The following HUNK variants were observed in gnomAD, a reference collection of about 807,000 sequenced individuals.
The protein encoded by HUNK is hormonally up-regulated Neu-associated kinase.
In HUNK, 21 loss-of-function variants were observed where a neutral mutation model predicts 61.0. The observed-to-expected ratio is 0.34, with a 90% CI of 0.24 to 0.50. HUNK has a LOEUF of 0.50. HUNK is among the 20% of genes least tolerant of loss of function. The probability of loss-of-function intolerance (pLI) is 0.98; values close to 1 mark genes in which losing one functional copy is unlikely to be tolerated. For missense variants in HUNK, 772 were observed against 945.7 expected (o/e 0.82, Z 2.41); for synonymous variants, 371 against 386.1 (o/e 0.96, Z 0.46).
At chr21:31,989,846 T>C (rs2053159854) in intron 8 of HUNK, among the ~76,000 whole-genome samples, 3 of 151,890 alleles carry the variant, frequency 2.0e-5, no homozygotes, top group Non-Finnish European at 4.4e-5. Flanking sequence ...TTTCTGTGGG[T>C]GTCTTTGCTG....
Position 31,998,885 on chromosome 21 carries a change from C to T in HUNK, c.1846C>T (p.His616Tyr). The T allele has an allele frequency of 6.2e-7, 1 of 1,614,248 alleles. No homozygotes were observed. Among genetic ancestry groups the T allele is most frequent in the Non-Finnish European group, 8.5e-7 (1 of 1,180,044 alleles). Residue 616 changes from histidine to tyrosine, a missense_variant, in exon 11 of 11, where the codon CAT (histidine) becomes TAT (tyrosine). Around this residue, in one of 2 missense-constraint regions of HUNK, gnomAD observed 413 missense variants for 444.4 expected, o/e 0.93. Coordinates refer to ENST00000270112, the MANE Select transcript of HUNK (RefSeq NM_014586.2). Reference sequence around the variant, plus strand: ...CATGTCGCCTCTCCATACTCCTTTGCATCCAACTCTGGTCTCTTTTGCTCA... The same window carrying T: ...CATGTCGCCTCTCCATACTCCTTTGTATCCAACTCTGGTCTCTTTTGCTCA... ...GSMSPLHTPLHPTLVSFAHED... is the reference protein window; with the variant it reads ...GSMSPLHTPLYPTLVSFAHED...
intron 4 of HUNK, 81 bp from the exon 5 acceptor site, chr21:31,958,761 CG>C: frequency 7.4e-7 from 1 of 1,343,810 alleles, no homozygotes; most frequent in Non-Finnish European, 1.0e-6. Context: ...GCAGCTCCCA[CG>C]CTTCGGTGAA....
Position 31,924,051 on chromosome 21 carries a change from G to A in HUNK, c.262-417G>A, listed in dbSNP as rs1403777051. 6.6e-6 allele frequency among the ~76,000 whole-genome samples: 1 copy of A among 152,158 alleles called. No individual in the cohort carries two copies. The highest frequency in any genetic ancestry group is 2.4e-5 in the African/African-American group (1 of 41,436). ...TTTCTGAAGTGGCTGGGGGTCCTCA[G>A]ACCTGGAGGGAGATGATGGTGAGTC... On this transcript the variant is annotated intron_variant, in intron 1 of 10. Coordinates refer to ENST00000270112, the MANE Select transcript of HUNK (RefSeq NM_014586.2). The surrounding 1 kb of genome is among the most constrained non-coding windows in gnomAD (Gnocchi z 5.1).
At chr21:31,888,177 A>G (rs2052360985) in intron 1 of HUNK, among the ~76,000 whole-genome samples, 1 of 152,140 alleles carries the variant, frequency 6.6e-6, no homozygotes, top group African/African-American at 2.4e-5. Flanking sequence ...TAATGCCAAA[A>G]CCACATTCAC....
At chr21:31,968,207 T>G in intron 5 of HUNK, 43 bp from the exon 6 acceptor site, 1 of 1,612,820 alleles carries the variant, frequency 6.2e-7, no homozygotes, top group Non-Finnish European at 8.5e-7. Context: ...GTGTCTGCGT[T>G]CAGCCTGTAA....
intron 1 of HUNK, among the ~76,000 whole-genome samples, chr21:31,916,975 C>T (rs528276316): frequency 5.9e-5 from 9 of 152,120 alleles, no homozygotes; most frequent in Admixed American, 3.3e-4. Flanking sequence ...CACACCCGGC[C>T]GGGTTTCCTC....
At chr21:31,979,629 T>C (rs1463471762) in intron 7 of HUNK, among the ~76,000 whole-genome samples, 7 of 145,442 alleles carry the variant, frequency 4.8e-5, no homozygotes, top group South Asian at 2.3e-4. Context: ...TATTCTCCAG[T>C]CTCAGCCTCC....
intron 6 of HUNK, chr21:31,974,146 C>G (rs2053032120): frequency 6.5e-6 from 1 of 153,094 alleles, no homozygotes; most frequent in South Asian, 2.1e-4. Flanking sequence ...ATCTGGGGGA[C>G]AGTTGGGAGA....
intron 8 of HUNK, among the ~76,000 whole-genome samples, chr21:31,988,199 T>C (rs1339365114): frequency 6.6e-6 from 1 of 152,134 alleles, no homozygotes; most frequent in East Asian, 1.9e-4. Flanking sequence ...ACACCTATCG[T>C]GTGTGCCCGA....
At chr21:31,878,307 GTTAAACT>G (rs1411068731) in intron 1 of HUNK, among the ~76,000 whole-genome samples, 1 of 147,852 alleles carries the variant, frequency 6.8e-6, no homozygotes, top group East Asian at 2.0e-4. Flanking sequence ...TTCCATAAAC[GTTAAACT>G]TTAAATGAAG....
At chr21:31,884,696 G>T (rs1259607707) in intron 1 of HUNK, among the ~76,000 whole-genome samples, 1 of 152,094 alleles carries the variant, frequency 6.6e-6, no homozygotes, top group Non-Finnish European at 1.5e-5. Flanking sequence ...CAGAAAACAC[G>T]CCCTCATCAG....
chr21:31,902,913 G>A (rs935427148), intron 1 of HUNK, among the ~76,000 whole-genome samples: 20 of 152,036 alleles, frequency 1.3e-4, no homozygotes, highest in African/African-American at 4.1e-4. Flanking sequence ...TTTTCTTTAT[G>A]TAATGATAAA....
intron 1 of HUNK, among the ~76,000 whole-genome samples, chr21:31,917,321 C>G (rs897243667): frequency 1.3e-4 from 20 of 151,880 alleles, no homozygotes; most frequent in African/African-American, 4.1e-4. Flanking sequence ...GCCTCCCGAG[C>G]AGCTGGGACT....
At chr21:31,943,708 T>C (rs73193427) in intron 3 of HUNK, among the ~76,000 whole-genome samples, 3,361 of 152,330 alleles carry the variant, frequency 0.022, 56 homozygotes, top group Non-Finnish European at 0.031. Flanking sequence ...TTGCCTGGGA[T>C]GGTGGAGGGT....
intron 2 of HUNK, among the ~76,000 whole-genome samples, chr21:31,932,663 T>A (rs1316971597): frequency 6.6e-6 from 1 of 152,190 alleles, no homozygotes; most frequent in East Asian, 1.9e-4. Context: ...CTGTCTGCTG[T>A]GATGGGTCCC....
At chr21:31,882,093 G>A (rs1385399188) in intron 1 of HUNK, among the ~76,000 whole-genome samples, 4 of 152,068 alleles carry the variant, frequency 2.6e-5, no homozygotes, top group Non-Finnish European at 4.4e-5. Flanking sequence ...CGTGAGTGGT[G>A]GGAAAAGTTG....
At chr21:31,933,321 C>T (rs1159470926) in intron 2 of HUNK, among the ~76,000 whole-genome samples, 1 of 152,158 alleles carries the variant, frequency 6.6e-6, no homozygotes, top group African/African-American at 2.4e-5. Flanking sequence ...TATCCCAGGG[C>T]CATTCTCTTC....
At chr21:31,962,931 T>C (rs1191174295) in intron 5 of HUNK, among the ~76,000 whole-genome samples, 1 of 152,204 alleles carries the variant, frequency 6.6e-6, no homozygotes, top group Admixed American at 6.5e-5. Context: ...GGAATTGTCC[T>C]GACCCAGTAG....
At chr21:31,946,955 G>A (rs1036529773) in intron 4 of HUNK, among the ~76,000 whole-genome samples, 2 of 152,226 alleles carry the variant, frequency 1.3e-5, no homozygotes, top group Admixed American at 6.5e-5. Flanking sequence ...CAGCTCTTTG[G>A]ATGGCCTGCG....
Sources: allele counts gnomAD v4.1 joint callset (sites outside exome capture counted in the v4.1 genomes callset), GRCh38; gene constraint gnomAD v4.1.1; regional missense constraint gnomAD v4.1.1; non-coding constraint Gnocchi (gnomAD v3.1); transcripts MANE v1.5; gene names NCBI Gene and HGNC (gene_info 2026-07-23, HGNC 2026-07-21).